Variants in SIPA1L3 observed in about 807,000 individuals in gnomAD.
The protein encoded by SIPA1L3 is signal induced proliferation associated 1 like 3.
Under a neutral mutation model 150.1 loss-of-function variants are expected in SIPA1L3, and 59 were observed. The observed-to-expected ratio is 0.39, with a 90% CI of 0.32 to 0.49. The LOEUF (loss-of-function observed/expected upper bound fraction) is 0.49. Among genes scored for constraint, SIPA1L3 ranks in the 20% least tolerant of loss-of-function variants. SIPA1L3 has a pLI of 0.86. For missense variants in SIPA1L3, 2,211 were observed against 2,489.5 expected, an observed-to-expected ratio of 0.89 and a Z score of 2.38; for synonymous variants, 1,070 against 1,077.6, an observed-to-expected ratio of 0.99 and a Z score of 0.14.
intron 9 of SIPA1L3, among the ~76,000 whole-genome samples, chr19:38,126,887 GAATCATA>G (rs1478107783): frequency 6.6e-6 from 1 of 152,048 alleles, no homozygotes; most frequent in Non-Finnish European, 1.5e-5. Flanking sequence ...AAAGCAAAGG[GAATCATA>G]TAAGAACCCC....
intron 19 of SIPA1L3, among the ~76,000 whole-genome samples, chr19:38,198,945 G>A (rs886769959): frequency 1.3e-4 from 20 of 152,278 alleles, no homozygotes; most frequent in African/African-American, 3.9e-4. Flanking sequence ...CAGCCTGGGC[G>A]ACAGTGCAAG....
rs765404105 is a variant in SIPA1L3 at position 38,178,086 on chromosome 19, GGTGTGTGTGTGTGTGTGT to G, written c.4209-4398_4209-4381del. On this transcript the variant is annotated intron_variant, in intron 15 of 21. Coordinates refer to ENST00000222345, the MANE Select transcript of SIPA1L3 (RefSeq NM_015073.3). ...CCTGTGTGTGCTTGTGCAGGCTTTT[GGTGTGTGTGTGTGTGTGT>G]GTGTGTGTGTGTGTGTGTGTGTGTG... 4.6e-3 allele frequency among the ~76,000 whole-genome samples: 609 copies of G among 131,006 alleles called. 2 individuals are homozygous for G. Among genetic ancestry groups the G allele is most frequent in the African/African-American group, 0.014 (468 of 33,930 alleles). 85.9% of individuals were successfully genotyped at this position (131,006 alleles called of 152,430 possible). A position where few individuals can be genotyped will look rare whatever the true frequency, so the allele number is the denominator to read the frequency against.
At chr19:38,205,710 C>T (rs899428271) in intron 21 of SIPA1L3, among the ~76,000 whole-genome samples, 2 of 152,184 alleles carry the variant, frequency 1.3e-5, no homozygotes, top group African/African-American at 4.8e-5. Flanking sequence ...CCCAGCTCCC[C>T]ACTTGCTGTG....
In SIPA1L3 at chr19:38,033,968, T is replaced by C. The variant is rs148241087; in HGVS notation, c.-311+4812T>C. Among the ~76,000 whole-genome samples the C allele has an allele frequency of 2.2e-4, 34 of 152,280 alleles. No homozygotes were observed. The East Asian group carries it at 6.6e-3, about 29-fold the overall frequency. On this transcript the variant is annotated intron_variant, in intron 2 of 21. Transcript: ENST00000222345. ...AAACCCCCGCTCACTGCAGCTTGAT[T>C]GAATGAGGGCTTATTTCTCGCTCAC...
chr19:38,082,316 A>G lies in SIPA1L3; in HGVS notation c.751A>G (p.Met251Val). ...LLRADPGPHL[M>V]GGGGGAKGDS... ...CCGGGCAGATCCTGGCCCACACCTC[A>G]TGGGGGGCGGCGGCGGAGCCAAGGG... The change falls in exon 3 of 22, where the codon ATG (methionine) becomes GTG (valine). Residue 251 changes from methionine (M) to valine (V), a missense_variant. Physicochemically the swap from Met to Val is conservative, Grantham distance 21. Coordinates refer to ENST00000222345, the MANE Select transcript of SIPA1L3 (RefSeq NM_015073.3). 2 of 1,599,146 alleles carry G rather than the reference A, an allele frequency of 1.3e-6. No individual in the cohort carries two copies. The highest frequency in any genetic ancestry group is 8.5e-7 in the Non-Finnish European group (1 of 1,179,124).
At chr19:37,950,413 T>C (rs1204076847) in intron 1 of SIPA1L3, among the ~76,000 whole-genome samples, 1 of 152,214 alleles carries the variant, frequency 6.6e-6, no homozygotes, top group African/African-American at 2.4e-5. Context: ...AGGATTGATC[T>C]CAGCTCTGTG....
chr19:38,061,879 T>C (rs1029056271), intron 2 of SIPA1L3, among the ~76,000 whole-genome samples: 2 of 151,102 alleles, frequency 1.3e-5, no homozygotes, highest in African/African-American at 4.9e-5. Context: ...TTTTTGAGTT[T>C]TGTTTTTTTT....
intron 13 of SIPA1L3, among the ~76,000 whole-genome samples, chr19:38,159,261 C>T (rs187113742): frequency 1.2e-4 from 18 of 152,302 alleles, no homozygotes; most frequent in South Asian, 6.2e-4. Flanking sequence ...CCTGGTCACC[C>T]GGGCCACCTT....
At chr19:38,053,832 C>T (rs188270781) in intron 2 of SIPA1L3, among the ~76,000 whole-genome samples, 75 of 152,110 alleles carry the variant, frequency 4.9e-4, no homozygotes, top group Non-Finnish European at 9.7e-4. Context: ...TCCCACAGTG[C>T]TGGGATTACA....
chr19:38,172,282 G>C (rs1972344640), intron 15 of SIPA1L3, among the ~76,000 whole-genome samples: 2 of 152,204 alleles, frequency 1.3e-5, no homozygotes, highest in Non-Finnish European at 2.9e-5. Flanking sequence ...TGGCCTGGGA[G>C]CACCTGAGGT....
chr19:38,013,035 ATCTGGGGGAC>A (rs1968141066), intron 1 of SIPA1L3, among the ~76,000 whole-genome samples: 1 of 152,144 alleles, frequency 6.6e-6, no homozygotes, highest in Admixed American at 6.6e-5. Flanking sequence ...GGCTTTGGGC[ATCTGGGGGAC>A]TCTAGTCCAC....
chr19:38,115,023 CCAAAGGGAGTTGAT>C (rs1970852372), intron 8 of SIPA1L3, among the ~76,000 whole-genome samples: 1 of 152,222 alleles, frequency 6.6e-6, no homozygotes, highest in South Asian at 2.1e-4. Flanking sequence ...AAGGATTTAA[CCAAAGGGAGTTGAT>C]GCCACTGACA....
chr19:38,051,120 TA>T (rs1454629701), intron 2 of SIPA1L3, among the ~76,000 whole-genome samples: 6 of 152,196 alleles, frequency 3.9e-5, no homozygotes, highest in Non-Finnish European at 7.3e-5. Context: ...GTAAATGCTA[TA>T]GTCATGTTTG....
At chr19:38,010,690 A>G (rs954337432) in intron 1 of SIPA1L3, among the ~76,000 whole-genome samples, 1 of 152,198 alleles carries the variant, frequency 6.6e-6, no homozygotes, top group Non-Finnish European at 1.5e-5. Flanking sequence ...CAGCCCGGGC[A>G]ACAAGAGCGA....
intron 12 of SIPA1L3, among the ~76,000 whole-genome samples, chr19:38,150,258 T>A (rs1322712545): frequency 6.6e-6 from 1 of 152,144 alleles, no homozygotes; most frequent in Non-Finnish European, 1.5e-5. Flanking sequence ...TGTTTTTTCC[T>A]GGCAAGTGAG....
rs1970313367 is a variant in SIPA1L3, at chr19:38,093,663, CA to C, written c.1665+4813del. Among the ~76,000 whole-genome samples the C allele has an allele frequency of 3.0e-5, 4 of 134,742 alleles. No individual in the cohort carries two copies. The South Asian group carries it at 6.9e-4, about 23-fold the overall frequency. The allele number at this position is 134,742 out of a possible 152,430, so 88.4% of individuals were successfully genotyped here. On this transcript the variant is annotated intron_variant, in intron 4 of 21. Transcript: ENST00000222345. ...TGCCTTGGGGTCCTGTAAACCAGGG[CA>C]TAGGGGCCAGAGCGAGAGGTCTGGG...
At chr19:38,027,393 A>T (rs1467587332) in intron 1 of SIPA1L3, among the ~76,000 whole-genome samples, 1 of 152,060 alleles carries the variant, frequency 6.6e-6, no homozygotes, top group Non-Finnish European at 1.5e-5. Context: ...TTCTCCAGGA[A>T]CCCCAGGGGA....
At chr19:38,171,914 T>C (rs535600818) in intron 15 of SIPA1L3, among the ~76,000 whole-genome samples, 20 of 152,074 alleles carry the variant, frequency 1.3e-4, no homozygotes, top group African/African-American at 4.6e-4. Context: ...GGTAGGTAGG[T>C]AGGCAGGTAG....
At chr19:37,965,098 A>G (rs187410236) in intron 1 of SIPA1L3, among the ~76,000 whole-genome samples, 6 of 152,310 alleles carry the variant, frequency 3.9e-5, no homozygotes, top group Admixed American at 2.0e-4. Context: ...TATGGGATCA[A>G]TTTTTATGGC....
Sources: gnomAD v4.1 joint callset for allele counts (sites outside exome capture counted in the v4.1 genomes callset) on GRCh38, gnomAD v4.1.1 for gene constraint, MANE v1.5 for transcripts, NCBI Gene and HGNC (gene_info 2026-07-23, HGNC 2026-07-21) for gene names.